ARID1B: variants seen among roughly 807,000 people sequenced by gnomAD.
ARID1B encodes AT-rich interactive domain-containing protein 1B.
Under a neutral mutation model 212.3 loss-of-function variants are expected in ARID1B, and 30 were observed. That is an observed-to-expected ratio of 0.14 (90% CI 0.11 to 0.19). ARID1B has a LOEUF of 0.19. Ranked by LOEUF, ARID1B falls within the 10% of genes least tolerant of loss-of-function variation. The pLI, the probability that ARID1B is intolerant of heterozygous loss-of-function variation, is 1.00. For synonymous variants in ARID1B, 1,402 were observed against 1,301.7 expected, an observed-to-expected ratio of 1.08 and a Z score of -1.66; for missense variants, 2,891 against 3,204.0, an observed-to-expected ratio of 0.90 and a Z score of 2.36.
chr6:156,789,776 C>T (rs895392716), intron 1 of ARID1B, among the ~76,000 whole-genome samples: 2 of 152,192 alleles, frequency 1.3e-5, no homozygotes, highest in African/African-American at 4.8e-5. Context: ...TCAGGCAAGT[C>T]ACTTCGCTTC....
At chr6:157,004,147 C>G (rs530677790) in intron 4 of ARID1B, among the ~76,000 whole-genome samples, 1 of 152,238 alleles carries the variant, frequency 6.6e-6, no homozygotes, top group East Asian at 1.9e-4. Flanking sequence ...TCAAGCAATC[C>G]TCTCGTTCTC....
At chr6:156,959,632 A>C (rs1185658387) in intron 4 of ARID1B, among the ~76,000 whole-genome samples, 1 of 152,200 alleles carries the variant, frequency 6.6e-6, no homozygotes, top group Non-Finnish European at 1.5e-5. Context: ...TATTTTTAAT[A>C]AAATTTTATG....
Position 156,823,463 on chromosome 6 carries a change from C to T in ARID1B, c.1792-5764C>T, listed in dbSNP as rs560876038. 2.7e-4 allele frequency among the ~76,000 whole-genome samples: 41 copies of T among 152,198 alleles called. No individual in the cohort carries two copies. The South Asian group carries it at 2.7e-3, about 10-fold the overall frequency. On this transcript the variant is annotated intron_variant, in intron 1 of 19. Transcript: ENST00000636930. ...TACTTCCTTGCTGGGCAGTGCCATT[C>T]GGTACACAGCTGCAGACGTGAATAA...
At chr6:157,115,613 G>A (rs542784324) in intron 6 of ARID1B, among the ~76,000 whole-genome samples, 87 of 152,248 alleles carry the variant, frequency 5.7e-4, no homozygotes, top group African/African-American at 2.1e-3. Flanking sequence ...ATTTTTATTA[G>A]AGATGGGGTT....
At chr6:156,967,963 C>T (rs941631625) in intron 4 of ARID1B, among the ~76,000 whole-genome samples, 1 of 152,076 alleles carries the variant, frequency 6.6e-6, no homozygotes, top group Non-Finnish European at 1.5e-5. Context: ...TGTAGACTTT[C>T]GGGGTACTGA....
intron 5 of ARID1B, among the ~76,000 whole-genome samples, chr6:157,105,961 G>A (rs781777493): frequency 1.3e-5 from 2 of 152,076 alleles, no homozygotes; most frequent in African/African-American, 2.4e-5. Flanking sequence ...GGAGAGACAG[G>A]CCTTTCAAAC....
chr6:157,172,791 C>G (rs1392359609), intron 9 of ARID1B: 1 of 152,062 alleles, frequency 6.6e-6, no homozygotes, highest in East Asian at 1.9e-4. Flanking sequence ...ATCTGCGGAG[C>G]CTTTTTTAAA....
rs1240264213 is a variant in ARID1B at position 157,207,986 on chromosome 6, A to G, written c.*95A>G. 7.5e-7 allele frequency: 1 copy of G among 1,324,728 alleles called. No individual in the cohort carries two copies. Among genetic ancestry groups the G allele is most frequent in the Non-Finnish European group, 9.8e-7 (1 of 1,021,300 alleles). 82.1% of individuals were successfully genotyped at this position (1,324,728 alleles called of 1,614,324 possible). ...TTGTTTATCCAGCGTAGGAAGAAGG[A>G]AAAGAAAATCTTTGCTCCTCTGCCC... On this transcript the variant is annotated 3_prime_UTR_variant, in exon 20 of 20. Transcript: ENST00000636930. This position sits in a 1 kb window ranked among gnomAD's most constrained non-coding sequence, Gnocchi z 8.5.
At chr6:157,160,688 A>T (rs971724315) in intron 8 of ARID1B, among the ~76,000 whole-genome samples, 4 of 152,194 alleles carry the variant, frequency 2.6e-5, no homozygotes, top group African/African-American at 9.7e-5. Context: ...CCAAACCCAG[A>T]GAACCATAAG....
chr6:157,061,480 ATC>A (rs1434236219), intron 4 of ARID1B, among the ~76,000 whole-genome samples: 1 of 152,068 alleles, frequency 6.6e-6, no homozygotes, highest in Non-Finnish European at 1.5e-5. Flanking sequence ...CCTGCTTGAC[ATC>A]TCGCAGTTGT....
At chr6:157,153,572 C>T (rs148815839) in intron 8 of ARID1B, among the ~76,000 whole-genome samples, 8 of 152,324 alleles carry the variant, frequency 5.3e-5, no homozygotes, top group South Asian at 2.1e-4. Context: ...TCTGTAGCAT[C>T]ATTTTGGAGG....
chr6:156,805,037 A>G (rs1193344424), intron 1 of ARID1B, among the ~76,000 whole-genome samples: 3 of 152,192 alleles, frequency 2.0e-5, no homozygotes, highest in Non-Finnish European at 2.9e-5. Flanking sequence ...ACATCTCACT[A>G]AATTTTAGTA....
At chr6:157,025,409 T>C (rs1462808791) in intron 4 of ARID1B, among the ~76,000 whole-genome samples, 3 of 152,246 alleles carry the variant, frequency 2.0e-5, no homozygotes, top group Non-Finnish European at 2.9e-5. Flanking sequence ...AGTATTCTAG[T>C]AGGACGGTAG....
chr6:157,068,791 G>A (rs1783836020), intron 4 of ARID1B, among the ~76,000 whole-genome samples: 1 of 152,160 alleles, frequency 6.6e-6, no homozygotes, highest in African/African-American at 2.4e-5. Flanking sequence ...CACATCCTCT[G>A]CTCTCTTGGA....
In ARID1B at chr6:157,198,832, G is replaced by T. The variant is rs1436469038; in HGVS notation, c.4404G>T (p.Gln1468His). 6.2e-7 allele frequency: 1 copy of T among 1,612,314 alleles called. No homozygotes were observed. The highest frequency in any genetic ancestry group is 8.5e-7 in the Non-Finnish European group (1 of 1,179,278). The change falls in exon 17 of 20, where the codon CAG (glutamine) becomes CAT (histidine). Residue 1468 changes from glutamine to histidine, a missense_variant. Gln to His is a conservative substitution (Grantham distance 24). Around this residue, in one of 7 missense-constraint regions of ARID1B, gnomAD observed 666 missense variants for 873.5 expected, o/e 0.76. Coordinates refer to ENST00000636930, the MANE Select transcript of ARID1B (RefSeq NM_001374828.1). ...YDRRHEPYGQ[Q>H]YPGQGPPSGQ... is the part of the protein sequence containing the mutation. ...CCAGGCATGAACCTTATGGGCAGCA[G>T]TATCCAGGCCAAGGCCCTCCCTCGG...
At chr6:157,149,471 T>C (rs758330976) in intron 8 of ARID1B, 1 of 152,812 alleles carries the variant, frequency 6.5e-6, no homozygotes, top group African/African-American at 2.4e-5. Flanking sequence ...GACATTCTTA[T>C]GTTATATTTT....
intron 2 of ARID1B, among the ~76,000 whole-genome samples, chr6:156,870,817 T>C (rs2128143491): frequency 6.6e-6 from 1 of 152,312 alleles, no homozygotes; most frequent in South Asian, 2.1e-4. Flanking sequence ...TTTAAAAAGC[T>C]GTGTGACATT....
At chr6:156,963,391 T>C (rs1315334833) in intron 4 of ARID1B, among the ~76,000 whole-genome samples, 1 of 152,236 alleles carries the variant, frequency 6.6e-6, no homozygotes, top group Non-Finnish European at 1.5e-5. Context: ...ATAATTTCTT[T>C]TAGAAGAACA....
At chr6:157,129,665 C>A (rs1218116215) in intron 6 of ARID1B, among the ~76,000 whole-genome samples, 1 of 152,200 alleles carries the variant, frequency 6.6e-6, no homozygotes, top group East Asian at 1.9e-4. Context: ...AATTCTACCT[C>A]CTTTTGGAAA....
Sources: allele counts gnomAD v4.1 joint callset (sites outside exome capture counted in the v4.1 genomes callset), GRCh38; gene constraint gnomAD v4.1.1; regional missense constraint gnomAD v4.1.1; non-coding constraint Gnocchi (gnomAD v3.1); transcripts MANE v1.5; gene names NCBI Gene and HGNC (gene_info 2026-07-23, HGNC 2026-07-21).